The following NRXN3 variants were observed in gnomAD, a reference collection of about 807,000 sequenced individuals.
NRXN3 encodes neurexin III.
Under a neutral mutation model 137.6 loss-of-function variants are expected in NRXN3, and 32 were observed. That is an observed-to-expected ratio of 0.23 (90% CI 0.18 to 0.31). The LOEUF (loss-of-function observed/expected upper bound fraction) is 0.31. NRXN3 is among the 10% of genes least tolerant of loss of function. The pLI is 1.00. For synonymous variants in NRXN3, 798 were observed against 784.5 expected (o/e 1.02, Z -0.29); for missense variants, 1,574 against 2,062.5 (o/e 0.76, Z 4.59).
At chr14:78,184,196 G>A (rs544915358) in intron 1 of NRXN3, among the ~76,000 whole-genome samples, 8 of 152,320 alleles carry the variant, frequency 5.3e-5, no homozygotes, top group South Asian at 2.1e-4. Flanking sequence ...GCAATCCAGG[G>A]TGTGTTATTT....
chr14:79,317,402 C>T (rs138641478), intron 15 of NRXN3, among the ~76,000 whole-genome samples: 7 of 152,244 alleles, frequency 4.6e-5, no homozygotes, highest in African/African-American at 9.6e-5. Context: ...GGCATTCTCA[C>T]CTTTAGTGCC....
intron 4 of NRXN3, among the ~76,000 whole-genome samples, chr14:78,487,370 T>A (rs2095578294): frequency 6.6e-6 from 1 of 152,158 alleles, no homozygotes; most frequent in African/African-American, 2.4e-5. Flanking sequence ...TATGGCTTTA[T>A]CTCTGGGGGA....
chr14:78,943,620 AAATATATAT>A lies in NRXN3; in HGVS notation c.2276-13620_2276-13612del, dbSNP rs1377267876. Among the ~76,000 whole-genome samples, 33 of 32,098 alleles carry A rather than the reference AAATATATAT, an allele frequency of 1.0e-3. 1 individual carries two copies. Among genetic ancestry groups the A allele is most frequent in the African/African-American group, 2.9e-3 (14 of 4,862 alleles). The allele number at this position is 32,098 out of a possible 152,430, so 21.1% of individuals were successfully genotyped here. A position where few individuals can be genotyped will look rare whatever the true frequency, so the allele number is the denominator to read the frequency against. The stretch of plus-strand genomic sequence containing the variant: ...AAGCAAGATCACTGTTAAAAAAAAA[AAATATATAT>A]ATATATATATATATATATATATATA... On this transcript the variant is annotated intron_variant, in intron 10 of 20. Coordinates refer to ENST00000335750, the MANE Select transcript of NRXN3 (RefSeq NM_001330195.2).
rs555973332 is a variant in NRXN3 at position 78,967,204 on chromosome 14, C to G, written c.2778-4C>G. On this transcript the variant is annotated splice_polypyrimidine_tract_variant and splice_region_variant and intron_variant, in intron 12 of 20. Coordinates refer to ENST00000335750, the MANE Select transcript of NRXN3 (RefSeq NM_001330195.2). ...TTATTGTTTTTTTTTTTTTTTCTTC[C>G]TAGGTATATACACTACGTTTTTGAC... The G allele has an allele frequency of 5.7e-5, 89 of 1,566,428 alleles. No homozygotes were observed. In the South Asian group the frequency reaches 9.9e-4, roughly 17 times the overall value.
At chr14:79,264,764 G>A (rs556552920) in intron 15 of NRXN3, among the ~76,000 whole-genome samples, 8 of 152,058 alleles carry the variant, frequency 5.3e-5, no homozygotes, top group South Asian at 4.1e-4. Flanking sequence ...ACATTGCAGA[G>A]AGTAACTAGA....
At chr14:79,245,518 A>C (rs113920683) in intron 15 of NRXN3, among the ~76,000 whole-genome samples, 305 of 152,262 alleles carry the variant, frequency 2.0e-3, no homozygotes, top group Admixed American at 4.1e-3. Context: ...AATTATGGTC[A>C]AGATATTCAT....
intron 15 of NRXN3, among the ~76,000 whole-genome samples, chr14:79,319,885 G>A (rs2089660507): frequency 6.6e-6 from 1 of 152,116 alleles, no homozygotes; most frequent in African/African-American, 2.4e-5. Flanking sequence ...CTAATGGCAG[G>A]ATTCTGTCTG....
At chr14:79,811,951 G>T (rs182293844) in intron 20 of NRXN3, among the ~76,000 whole-genome samples, 18 of 152,148 alleles carry the variant, frequency 1.2e-4, no homozygotes, top group African/African-American at 4.1e-4. Flanking sequence ...CAGTAACTAT[G>T]TGCTTTTAAA....
chr14:79,165,383 G>C (rs2061187167), intron 15 of NRXN3, among the ~76,000 whole-genome samples: 1 of 151,958 alleles, frequency 6.6e-6, no homozygotes, highest in African/African-American at 2.4e-5. Flanking sequence ...TCATAACTGT[G>C]AATCACAAAG....
intron 20 of NRXN3, among the ~76,000 whole-genome samples, chr14:79,819,575 C>A (rs1255708285): frequency 6.8e-6 from 1 of 147,998 alleles, no homozygotes; most frequent in African/African-American, 2.5e-5. Flanking sequence ...ACCTCCGCCT[C>A]CCAGGTTCAG....
At chr14:79,650,104 A>ATTGC (rs111731789) in intron 16 of NRXN3, among the ~76,000 whole-genome samples, 3,079 of 151,954 alleles carry the variant, frequency 0.02, 100 homozygotes, top group African/African-American at 0.068. Flanking sequence ...TCTGCTGCAG[A>ATTGC]TTGCTTGCTT....
At chr14:78,524,648 G>T (rs928945604) in intron 4 of NRXN3, among the ~76,000 whole-genome samples, 2 of 152,090 alleles carry the variant, frequency 1.3e-5, no homozygotes, top group African/African-American at 4.8e-5. Flanking sequence ...TTACCTTCAA[G>T]TTAAAACACA....
At chr14:78,385,372 G>A (rs1161041969) in intron 4 of NRXN3, among the ~76,000 whole-genome samples, 3 of 150,966 alleles carry the variant, frequency 2.0e-5, no homozygotes, top group African/African-American at 7.3e-5. Flanking sequence ...ATTATGAAAA[G>A]TGAACACATT....
At chr14:79,362,271 G>C (rs2093711814) in intron 15 of NRXN3, among the ~76,000 whole-genome samples, 1 of 151,494 alleles carries the variant, frequency 6.6e-6, no homozygotes, top group African/African-American at 2.4e-5. Context: ...TTTACATTAG[G>C]TATATCTCCT....
At chr14:79,575,332 A>T (rs1186144196) in intron 16 of NRXN3, among the ~76,000 whole-genome samples, 2 of 152,156 alleles carry the variant, frequency 1.3e-5, no homozygotes, top group Non-Finnish European at 2.9e-5. Flanking sequence ...GAAGCGTGGT[A>T]AGGAGAACAA....
intron 15 of NRXN3, among the ~76,000 whole-genome samples, chr14:79,024,841 A>G (rs2099595492): frequency 6.6e-6 from 1 of 152,134 alleles, no homozygotes; most frequent in Admixed American, 6.6e-5. Flanking sequence ...TCACTTGCTA[A>G]TAATAATAGC....
At chr14:78,913,060 T>C (rs2099243699) in intron 10 of NRXN3, among the ~76,000 whole-genome samples, 1 of 152,058 alleles carries the variant, frequency 6.6e-6, no homozygotes, top group African/African-American at 2.4e-5. Flanking sequence ...AGTATACATT[T>C]TAAGAGGCAA....
chr14:79,761,747 G>T (rs1208925581), intron 19 of NRXN3, among the ~76,000 whole-genome samples: 1 of 149,846 alleles, frequency 6.7e-6, no homozygotes, highest in East Asian at 2.0e-4. Context: ...CAGCAGTAGT[G>T]TCCAGTTTTG....
intron 16 of NRXN3, among the ~76,000 whole-genome samples, chr14:79,615,804 C>T (rs942323167): frequency 1.1e-4 from 17 of 152,092 alleles, no homozygotes; most frequent in South Asian, 2.1e-4. Flanking sequence ...TCCTACAATA[C>T]GTGGGGATTA....
Sources: gnomAD v4.1 joint callset for allele counts (sites outside exome capture counted in the v4.1 genomes callset) on GRCh38, gnomAD v4.1.1 for gene constraint, MANE v1.5 for transcripts, NCBI Gene and HGNC (gene_info 2026-07-23, HGNC 2026-07-21) for gene names.